LINGO2: variants seen among roughly 807,000 people sequenced by gnomAD.
The protein encoded by LINGO2 is leucine-rich repeat and immunoglobulin-like domain-containing nogo receptor-interacting protein 2.
LINGO2 carries 14 observed loss-of-function variants against 30.6 expected under a neutral mutation model. That is an observed-to-expected ratio of 0.46 (90% CI 0.30 to 0.72). The LOEUF (loss-of-function observed/expected upper bound fraction) is 0.72, where lower values mean the gene tolerates loss of function less well. Among genes scored for constraint, LINGO2 ranks in the 30% least tolerant of loss-of-function variants. The probability of loss-of-function intolerance (pLI) is 0.07; values close to 1 mark genes in which losing one functional copy is unlikely to be tolerated. For missense variants in LINGO2, 729 were observed against 751.7 expected (o/e 0.97, Z 0.35); for synonymous variants, 317 against 288.5 (o/e 1.10, Z -1.00).
At chr9:28,160,288 C>T (rs1489105835) in intron 4 of LINGO2, among the ~76,000 whole-genome samples, 1 of 152,148 alleles carries the variant, frequency 6.6e-6, no homozygotes. Context: ...AGAGCCTGAG[C>T]TTGCACTGAT....
At chr9:28,538,293 AT>A (rs1821520425) in intron 1 of LINGO2, among the ~76,000 whole-genome samples, 1 of 152,020 alleles carries the variant, frequency 6.6e-6, no homozygotes, top group African/African-American at 2.4e-5. Context: ...TATAAAAAGT[AT>A]TGATAATGAT....
intron 4 of LINGO2, among the ~76,000 whole-genome samples, chr9:28,042,515 G>A (rs1417860051): frequency 6.6e-6 from 1 of 152,130 alleles, no homozygotes; most frequent in African/African-American, 2.4e-5. Context: ...CTATAGAAGA[G>A]GAAGTGTTAT....
chr9:28,904,090 T>C, the LINGO2 span, among the ~76,000 whole-genome samples: 1,282 of 152,020 alleles, frequency 8.4e-3, 26 homozygotes, highest in African/African-American at 0.029. Flanking sequence ...TCTACATTAA[T>C]AGAATGTAGG....
At chr9:28,171,684 G>A (rs1184250722) in intron 4 of LINGO2, among the ~76,000 whole-genome samples, 1 of 151,928 alleles carries the variant, frequency 6.6e-6, no homozygotes, top group Non-Finnish European at 1.5e-5. Flanking sequence ...GTCAAAATGT[G>A]GGCCTCTGGA....
At chr9:28,723,327 T>A in the LINGO2 span, among the ~76,000 whole-genome samples, 1 of 152,148 alleles carries the variant, frequency 6.6e-6, no homozygotes, top group Non-Finnish European at 1.5e-5. Flanking sequence ...ATTCTATATA[T>A]TAAGCTCCAC....
intron 1 of LINGO2, among the ~76,000 whole-genome samples, chr9:28,506,485 CAT>C (rs1491111372): frequency 0.011 from 802 of 73,336 alleles, 42 homozygotes; most frequent in African/African-American, 0.035. Flanking sequence ...CACACATACA[CAT>C]ACACACACAC....
At chr9:28,049,448 G>C (rs1043931838) in intron 4 of LINGO2, among the ~76,000 whole-genome samples, 1 of 150,314 alleles carries the variant, frequency 6.7e-6, no homozygotes, top group Non-Finnish European at 1.5e-5. Context: ...TAGAGTTAGC[G>C]AGGCAAAAAG....
At chr9:28,521,486 G>A (rs1400219777) in intron 1 of LINGO2, among the ~76,000 whole-genome samples, 2 of 152,118 alleles carry the variant, frequency 1.3e-5, no homozygotes, top group Non-Finnish European at 2.9e-5. Flanking sequence ...CAAATCTGAG[G>A]AAAAGATATG....
chr9:28,424,724 C>T (rs1823335115), intron 2 of LINGO2, among the ~76,000 whole-genome samples: 1 of 152,116 alleles, frequency 6.6e-6, no homozygotes, highest in African/African-American at 2.4e-5. Flanking sequence ...GTTATTACAA[C>T]AAGGCTTGAT....
At chr9:29,025,178 G>C in the LINGO2 span, among the ~76,000 whole-genome samples, 1 of 151,738 alleles carries the variant, frequency 6.6e-6, no homozygotes, top group African/African-American at 2.4e-5. Flanking sequence ...AAAAAACAAG[G>C]AATAAGTTGG....
At chr9:29,195,165 T>C in the LINGO2 span, among the ~76,000 whole-genome samples, 1 of 152,178 alleles carries the variant, frequency 6.6e-6, no homozygotes, top group East Asian at 1.9e-4. Flanking sequence ...TCAGCATAAT[T>C]CCCTGGAGGT....
chr9:29,060,148 G>C, the LINGO2 span, among the ~76,000 whole-genome samples: 1 of 151,884 alleles, frequency 6.6e-6, no homozygotes, highest in African/African-American at 2.4e-5. Flanking sequence ...AGCAGCAGGG[G>C]CCATTCACAG....
chr9:28,221,026 G>A (rs1820938854), intron 4 of LINGO2, among the ~76,000 whole-genome samples: 1 of 152,184 alleles, frequency 6.6e-6, no homozygotes, highest in South Asian at 2.1e-4. Context: ...TAGGCCGGAT[G>A]CGGTGGCTCA....
chr9:28,728,385 C>A, the LINGO2 span, among the ~76,000 whole-genome samples: 3 of 146,554 alleles, frequency 2.0e-5, no homozygotes, highest in East Asian at 2.0e-4. Context: ...ACAAAAAAAT[C>A]AAGAAAATGA....
chr9:28,388,289 C>T (rs1423740124), intron 2 of LINGO2, among the ~76,000 whole-genome samples: 1 of 151,916 alleles, frequency 6.6e-6, no homozygotes, highest in Admixed American at 6.6e-5. Flanking sequence ...TGTGAAAATA[C>T]CCCATTATCC....
At chr9:28,177,245 ATAGAAATATGC>A (rs1469207712) in intron 4 of LINGO2, among the ~76,000 whole-genome samples, 1 of 152,198 alleles carries the variant, frequency 6.6e-6, no homozygotes, top group African/African-American at 2.4e-5. Context: ...AAATGTATGA[ATAGAAATATGC>A]TAGAAAGCTT....
the LINGO2 span, among the ~76,000 whole-genome samples, chr9:29,140,130 T>C: frequency 6.6e-6 from 1 of 152,088 alleles, no homozygotes; most frequent in Admixed American, 6.6e-5. Context: ...AAAAGTTGGC[T>C]ATTTTTTCAA....
chr9:28,529,817 T>C (rs190241127), intron 1 of LINGO2, among the ~76,000 whole-genome samples: 2 of 152,138 alleles, frequency 1.3e-5, no homozygotes, highest in East Asian at 3.9e-4. Flanking sequence ...GTACAGTATA[T>C]GATGAAGTGA....
At chr9:28,266,368 A>G (rs182705971) in intron 4 of LINGO2, among the ~76,000 whole-genome samples, 1 of 152,144 alleles carries the variant, frequency 6.6e-6, no homozygotes, top group East Asian at 1.9e-4. Context: ...CTTTTCTGCC[A>G]TCTTCTCTGA....
Sources: gnomAD v4.1 joint callset for allele counts (sites outside exome capture counted in the v4.1 genomes callset) on GRCh38, gnomAD v4.1.1 for gene constraint, MANE v1.5 for transcripts, NCBI Gene and HGNC (gene_info 2026-07-23, HGNC 2026-07-21) for gene names.